The following RGS20 variants were observed in gnomAD, a reference collection of about 807,000 sequenced individuals.
RGS20 encodes gz-selective GTPase-activating protein.
Under a neutral mutation model 33.6 loss-of-function variants are expected in RGS20, and 30 were observed. The ratio of observed to expected loss-of-function variants is 0.89; its 90% CI spans 0.67 to 1.21. The LOEUF (loss-of-function observed/expected upper bound fraction) is 1.21, where lower values mean the gene tolerates loss of function less well. RGS20 is among the 50% of genes most tolerant of loss of function. RGS20 has a pLI of 0.00. For missense variants in RGS20, 472 were observed against 502.4 expected (o/e 0.94, Z 0.58); for synonymous variants, 208 against 197.9 (o/e 1.05, Z -0.43).
chr8:53,870,521 T>C (rs1812039261), intron 1 of RGS20, among the ~76,000 whole-genome samples: 1 of 152,254 alleles, frequency 6.6e-6, no homozygotes. Flanking sequence ...AGGAACATTA[T>C]AGATGGTGTC....
At chr8:53,887,101 G>A (rs903988931) in intron 2 of RGS20, 2 of 163,940 alleles carry the variant, frequency 1.2e-5, no homozygotes, top group African/African-American at 2.4e-5. Flanking sequence ...CTCCAGCACC[G>A]CATTCATCTG....
At chr8:53,879,213 C>T in intron 1 of RGS20, 1 of 1,541,858 alleles carries the variant, frequency 6.5e-7, no homozygotes, top group East Asian at 2.3e-5. Flanking sequence ...CGGCCGGACA[C>T]CACAGTAACC....
Position 53,946,710 on chromosome 8 carries a change from C to G in RGS20, c.705C>G (p.Ser235=). 6.2e-7 allele frequency: 1 copy of G among 1,613,144 alleles called. No homozygotes were observed. Among genetic ancestry groups the G allele is most frequent in the Non-Finnish European group, 8.5e-7 (1 of 1,179,588 alleles). Residue 235 remains serine, a synonymous_variant, in exon 4 of 6, where the codon TCC becomes TCG. Coordinates refer to ENST00000297313, the MANE Select transcript of RGS20 (RefSeq NM_170587.4). ...AAGATCAGAGGCCCACAATAGCTTC[C>G]CACGAACTCAGAGCAGATCTTCCAA...
At chr8:53,908,482 A>G (rs914071360) in intron 2 of RGS20, among the ~76,000 whole-genome samples, 3 of 152,094 alleles carry the variant, frequency 2.0e-5, no homozygotes, top group Non-Finnish European at 4.4e-5. Flanking sequence ...TCTATTCATA[A>G]TACAAAAATT....
In RGS20 at chr8:53,924,325, G is replaced by C. The variant is rs147514572; in HGVS notation, c.511-15251G>C. 1.3e-3 allele frequency among the ~76,000 whole-genome samples: 199 copies of C among 152,152 alleles called. 8 individuals carry two copies. In the East Asian group the frequency reaches 0.035, roughly 27 times the overall value. On this transcript the variant is annotated intron_variant, in intron 2 of 5. Transcript: ENST00000297313. ...CTGCCTCAGCCTCCCAGATAGCTGGGATTACAGGTGCACCACCACGCCCGG... is the reference window on the plus strand; with the variant it reads ...CTGCCTCAGCCTCCCAGATAGCTGGCATTACAGGTGCACCACCACGCCCGG...
chr8:53,865,050 G>A (rs377097103), intron 1 of RGS20, among the ~76,000 whole-genome samples: 19 of 152,206 alleles, frequency 1.2e-4, no homozygotes, highest in East Asian at 5.8e-4. Context: ...ACAGGGCCCC[G>A]CATGGCCTGA....
Position 53,885,790 on chromosome 8 carries a change from CTTTTTTTTTTTT to C in RGS20, c.510+6199_510+6210del, listed in dbSNP as rs1172257852. Among the ~76,000 whole-genome samples, 350 of 112,740 alleles carry C rather than the reference CTTTTTTTTTTTT, an allele frequency of 3.1e-3. 2 individuals are homozygous for C. Among genetic ancestry groups the C allele is most frequent in the African/African-American group, 0.012 (339 of 29,170 alleles). The allele number at this position is 112,740 out of a possible 152,430, so 74.0% of individuals were successfully genotyped here. A position where few individuals can be genotyped will look rare whatever the true frequency, so the allele number is the denominator to read the frequency against. On this transcript the variant is annotated intron_variant, in intron 2 of 5. Transcript: ENST00000297313. ...TGAACTGGATACTGAGTATCTTACT[CTTTTTTTTTTTT>C]TTTTTTTTTTGACTCCAAGAAACCT...
chr8:53,926,433 G>C (rs572255493), intron 2 of RGS20, among the ~76,000 whole-genome samples: 1 of 152,034 alleles, frequency 6.6e-6, no homozygotes, highest in South Asian at 2.1e-4. Context: ...TATCTTTCTG[G>C]AACAGGAACT....
At chr8:53,898,455 C>G (rs1251265189) in intron 2 of RGS20, among the ~76,000 whole-genome samples, 1 of 152,184 alleles carries the variant, frequency 6.6e-6, no homozygotes, top group East Asian at 1.9e-4. Flanking sequence ...TTGCCTTCAC[C>G]ATTACTTCCA....
At chr8:53,862,741 G>A (rs1289396041) in intron 1 of RGS20, among the ~76,000 whole-genome samples, 1 of 152,200 alleles carries the variant, frequency 6.6e-6, no homozygotes, top group African/African-American at 2.4e-5. Flanking sequence ...AGAGACTGCA[G>A]TGAGCTATGA....
intron 2 of RGS20, among the ~76,000 whole-genome samples, chr8:53,892,443 C>T (rs1812738027): frequency 6.6e-6 from 1 of 152,168 alleles, no homozygotes; most frequent in South Asian, 2.1e-4. Context: ...GGCGATTCCT[C>T]AGGGATCTAG....
At chr8:53,938,756 C>G (rs1289983297) in intron 2 of RGS20, among the ~76,000 whole-genome samples, 1 of 152,122 alleles carries the variant, frequency 6.6e-6, no homozygotes, top group East Asian at 1.9e-4. Context: ...ATGGGCTTAG[C>G]AATTTCTTGC....
chr8:53,892,524 C>T lies in RGS20; in HGVS notation c.510+12922C>T, dbSNP rs532970333. Among the ~76,000 whole-genome samples, 3 of 152,296 alleles carry T rather than the reference C, an allele frequency of 2.0e-5. No individual in the cohort carries two copies. The South Asian group carries it at 6.2e-4, about 32-fold the overall frequency. ...ACCCAAAGGACTATAAATCATGCAA[C>T]TCTTTATGCTTCAGATTGCAGTTAT... On this transcript the variant is annotated intron_variant, in intron 2 of 5. Transcript: ENST00000297313.
intron 2 of RGS20, among the ~76,000 whole-genome samples, chr8:53,900,905 A>G (rs1418390156): frequency 1.3e-5 from 2 of 151,952 alleles, no homozygotes; most frequent in Non-Finnish European, 2.9e-5. Context: ...AGTAAACCCA[A>G]TATTCCCACT....
chr8:53,879,211 C>T (rs1246898119), intron 1 of RGS20: 5 of 1,515,554 alleles, frequency 3.3e-6, no homozygotes, highest in Non-Finnish European at 4.6e-6. Flanking sequence ...AGCGGCCGGA[C>T]ACCACAGTAA....
intron 1 of RGS20, among the ~76,000 whole-genome samples, chr8:53,852,805 G>A (rs1811595447): frequency 6.6e-6 from 1 of 152,116 alleles, no homozygotes; most frequent in Non-Finnish European, 1.5e-5. Flanking sequence ...TTTAACACCA[G>A]AAAATTCACC....
At chr8:53,860,626 C>T (rs1480613974) in intron 1 of RGS20, among the ~76,000 whole-genome samples, 1 of 152,160 alleles carries the variant, frequency 6.6e-6, no homozygotes, top group Admixed American at 6.5e-5. Context: ...TCCAAATTCC[C>T]AGGAGAGAGG....
intron 2 of RGS20, among the ~76,000 whole-genome samples, chr8:53,925,841 A>G (rs891690587): frequency 1.3e-5 from 2 of 152,190 alleles, no homozygotes; most frequent in African/African-American, 4.8e-5. Context: ...TCTGACAAAG[A>G]TGTTACTAAC....
rs568479461 is a variant in RGS20, at chr8:53,874,122, G to T, written c.166-5136G>T. ...GGCTGAGGCATAAGAATTGCTTGAA[G>T]CCAGGCGGTAGAGGCTGCAGTGAGC... On this transcript the variant is annotated intron_variant, in intron 1 of 5. Coordinates refer to ENST00000297313, the MANE Select transcript of RGS20 (RefSeq NM_170587.4). 1.7e-4 allele frequency among the ~76,000 whole-genome samples: 26 copies of T among 152,198 alleles called. 1 individual carries two copies. In the South Asian group the frequency reaches 4.6e-3, roughly 27 times the overall value.
Sources: gnomAD v4.1 joint callset for allele counts (sites outside exome capture counted in the v4.1 genomes callset) on GRCh38, gnomAD v4.1.1 for gene constraint, MANE v1.5 for transcripts, NCBI Gene and HGNC (gene_info 2026-07-23, HGNC 2026-07-21) for gene names.